IRF8: variants seen among roughly 807,000 people sequenced by gnomAD.
IRF8 encodes interferon regulatory factor 8.
In IRF8, 14 loss-of-function variants were observed where a neutral mutation model predicts 48.7. The observed-to-expected ratio is 0.29, with a 90% CI of 0.19 to 0.45. The LOEUF (loss-of-function observed/expected upper bound fraction) is 0.45. Ranked by LOEUF, IRF8 falls within the 20% of genes least tolerant of loss-of-function variation. IRF8 has a pLI of 1.00. For synonymous variants in IRF8, 278 were observed against 227.3 expected (o/e 1.22, Z -2.01); for missense variants, 493 against 580.7 (o/e 0.85, Z 1.55).
intron 2 of IRF8, among the ~76,000 whole-genome samples, chr16:85,906,404 C>T (rs62052556): frequency 0.1 from 15,383 of 152,158 alleles, 1,023 homozygotes; most frequent in Non-Finnish European, 0.14. Flanking sequence ...AGAAGGATCT[C>T]GAGAGATCAT....
At chr16:85,914,762 G>T (rs894298045) in intron 6 of IRF8, among the ~76,000 whole-genome samples, 1 of 152,156 alleles carries the variant, frequency 6.6e-6, no homozygotes, top group East Asian at 1.9e-4. Flanking sequence ...GGAAGTCGAG[G>T]CTCCGTTCCG....
chr16:85,902,823 C>T (rs1188357392), intron 1 of IRF8, 192 bp from the exon 2 acceptor site: 1 of 653,068 alleles, frequency 1.5e-6, no homozygotes, highest in South Asian at 1.7e-5. Context: ...AGTTTGCACT[C>T]AGGGCTGTGA....
In IRF8 at chr16:85,909,662, G is replaced by T. The variant is rs1444716097; in HGVS notation, c.358+489G>T. On this transcript the variant is annotated intron_variant, in intron 3 of 8. Transcript: ENST00000268638. The stretch of plus-strand genomic sequence containing the variant: ...GATTGTTATTTGGGAACTCCGGGAT[G>T]TGATCATTCCTGAGGTTTCTTCCAG... 4 of 185,406 alleles carry T rather than the reference G, an allele frequency of 2.2e-5. No homozygotes were observed. The South Asian group carries it at 3.4e-4, about 16-fold the overall frequency. The allele number at this position is 185,406 out of a possible 1,614,324, so 11.5% of individuals were successfully genotyped here. A position where few individuals can be genotyped will look rare whatever the true frequency, so the allele number is the denominator to read the frequency against.
chr16:85,906,292 A>G (rs1904999041), intron 2 of IRF8, among the ~76,000 whole-genome samples: 1 of 152,202 alleles, frequency 6.6e-6, no homozygotes, highest in South Asian at 2.1e-4. Flanking sequence ...AACAGGAGAA[A>G]TAAGTTATGG....
intron 5 of IRF8, among the ~76,000 whole-genome samples, chr16:85,913,763 A>G (rs1597254231): frequency 6.6e-6 from 1 of 152,362 alleles, no homozygotes; most frequent in East Asian, 1.9e-4. Context: ...CTTGAGCCTC[A>G]GTTTATTCAT....
chr16:85,916,973 T>C (rs1160506473), intron 6 of IRF8, among the ~76,000 whole-genome samples: 3 of 152,202 alleles, frequency 2.0e-5, no homozygotes, highest in Non-Finnish European at 4.4e-5. Flanking sequence ...TCTGCAGCTC[T>C]AGCTTCCTAC....
intron 2 of IRF8, among the ~76,000 whole-genome samples, chr16:85,904,565 G>T (rs2152099252): frequency 6.6e-6 from 1 of 152,312 alleles, no homozygotes; most frequent in Middle Eastern, 3.4e-3. Flanking sequence ...TGTTAAATCT[G>T]CAATTTGAGG....
intron 2 of IRF8, among the ~76,000 whole-genome samples, chr16:85,908,068 G>A (rs1216671686): frequency 6.6e-6 from 1 of 152,188 alleles, no homozygotes; most frequent in Non-Finnish European, 1.5e-5. Flanking sequence ...CCCAGACTGG[G>A]TGACCTTGCG....
intron 3 of IRF8, chr16:85,909,421 C>A: frequency 1.9e-6 from 1 of 523,500 alleles, no homozygotes; most frequent in Non-Finnish European, 3.5e-6. Context: ...ATTTGTAGGG[C>A]CTCCCTGGAC....
At chr16:85,920,030 A>C (rs1439114573) in intron 7 of IRF8, 79 bp from the exon 8 acceptor site, 1 of 1,042,122 alleles carries the variant, frequency 9.6e-7, no homozygotes, top group Non-Finnish European at 1.5e-6. Context: ...GGGCCTCCTG[A>C]TCCCCCAGCC....
chr16:85,913,790 C>G (rs2152102128), intron 5 of IRF8, among the ~76,000 whole-genome samples: 1 of 152,348 alleles, frequency 6.6e-6, no homozygotes, highest in African/African-American at 2.4e-5. Context: ...AACAGAGAAA[C>G]CAGGACTTGC....
At chr16:85,899,792 G>A (rs913725077) in intron 1 of IRF8, among the ~76,000 whole-genome samples, 1 of 152,186 alleles carries the variant, frequency 6.6e-6, no homozygotes, top group Non-Finnish European at 1.5e-5. Context: ...ATGGGCCACA[G>A]CTCACAAAAG....
chr16:85,904,050 C>G (rs182511), intron 2 of IRF8, among the ~76,000 whole-genome samples: 12,887 of 152,256 alleles, frequency 0.085, 1,382 homozygotes, highest in East Asian at 0.41. Context: ...GCTATCGAAT[C>G]CCTTGTGGGT....
At chr16:85,904,392 A>G (rs1293355277) in intron 2 of IRF8, among the ~76,000 whole-genome samples, 1 of 152,204 alleles carries the variant, frequency 6.6e-6, no homozygotes, top group Non-Finnish European at 1.5e-5. Flanking sequence ...ACTCCCAGCC[A>G]CAGATGACTG....
intron 2 of IRF8, among the ~76,000 whole-genome samples, chr16:85,903,698 C>G (rs1450209914): frequency 1.3e-5 from 2 of 152,120 alleles, no homozygotes; most frequent in African/African-American, 2.4e-5. Flanking sequence ...TAAAAATAGT[C>G]TCACCTCCCT....
Position 85,921,650 on chromosome 16 carries a change from G to T in IRF8, c.*368G>T. On this transcript the variant is annotated 3_prime_UTR_variant, in exon 9 of 9. Coordinates refer to ENST00000268638, the MANE Select transcript of IRF8 (RefSeq NM_002163.4). ...GATAGCTGCTTCGATAAAGGAATTTGGAGTTTAAAAATCAACTTGTGAAAA... is the reference window on the plus strand; with the variant it reads ...GATAGCTGCTTCGATAAAGGAATTTTGAGTTTAAAAATCAACTTGTGAAAA... 1.5e-5 allele frequency: 4 copies of T among 259,554 alleles called. No homozygotes were observed. The highest frequency in any genetic ancestry group is 1.0e-4 in the East Asian group (1 of 9,930). The allele number at this position is 259,554 out of a possible 1,614,324, so 16.1% of individuals were successfully genotyped here. A position where few individuals can be genotyped will look rare whatever the true frequency, so the allele number is the denominator to read the frequency against.
intron 3 of IRF8, among the ~76,000 whole-genome samples, chr16:85,910,419 A>G (rs1456101065): frequency 6.6e-6 from 1 of 152,164 alleles, no homozygotes; most frequent in Non-Finnish European, 1.5e-5. Flanking sequence ...ACCTCTATAT[A>G]ATAGTCTGGG....
At chr16:85,918,384 G>A (rs900241674) in intron 6 of IRF8, 33 bp from the exon 7 acceptor site, 20 of 1,590,488 alleles carry the variant, frequency 1.3e-5, no homozygotes, top group East Asian at 6.7e-5. Flanking sequence ...ATGTCTCCCC[G>A]CAGCACCGTC....
rs1905564030 is a variant in IRF8, at chr16:85,921,403, C to T, written c.*121C>T. ...CTGGGGTGGGATGCCTTACTTTGCA[C>T]TTAATTTAATAAGGGCATTCTCGGA... On this transcript the variant is annotated 3_prime_UTR_variant, in exon 9 of 9. Transcript: ENST00000268638. 9.2e-7 allele frequency: 1 copy of T among 1,081,496 alleles called. No homozygotes were observed. The highest frequency in any genetic ancestry group is 1.4e-6 in the Non-Finnish European group (1 of 711,974). 67.0% of individuals were successfully genotyped at this position (1,081,496 alleles called of 1,614,324 possible). A position where few individuals can be genotyped will look rare whatever the true frequency, so the allele number is the denominator to read the frequency against.
Sources: gnomAD v4.1 joint callset for allele counts (sites outside exome capture counted in the v4.1 genomes callset) on GRCh38, gnomAD v4.1.1 for gene constraint, MANE v1.5 for transcripts, NCBI Gene and HGNC (gene_info 2026-07-23, HGNC 2026-07-21) for gene names.